The following CUL1 variants were observed in gnomAD, a reference collection of about 807,000 sequenced individuals.
CUL1 encodes the protein cullin-1.
In CUL1, 24 loss-of-function variants were observed where a neutral mutation model predicts 118.0. The observed-to-expected ratio is 0.20, with a 90% confidence interval of 0.15 to 0.29. The LOEUF (loss-of-function observed/expected upper bound fraction) is 0.29. Ranked by LOEUF, CUL1 falls within the 10% of genes least tolerant of loss-of-function variation. The probability of loss-of-function intolerance (pLI) is 1.00; values close to 1 mark genes in which losing one functional copy is unlikely to be tolerated. For missense variants in CUL1, 361 were observed against 933.8 expected (o/e 0.39, Z 7.99); for synonymous variants, 332 against 340.4 (o/e 0.98, Z 0.27).
chr7:148,761,049 C>G (rs73158226), intron 7 of CUL1, among the ~76,000 whole-genome samples: 1 of 152,076 alleles, frequency 6.6e-6, no homozygotes, highest in Non-Finnish European at 1.5e-5. Context: ...GATAGGGTCT[C>G]GCTATTTTTG....
chr7:148,770,210 C>CT (rs1800162500), intron 9 of CUL1, among the ~76,000 whole-genome samples: 1 of 152,218 alleles, frequency 6.6e-6, no homozygotes, highest in African/African-American at 2.4e-5. Flanking sequence ...AATAAACTGC[C>CT]TTTAACAGCA....
rs10595637 is a variant in CUL1, at chr7:148,768,378, C to CTTTTTTTTTTTTT, written c.1083+641_1083+653dup. ...GGGAGAACAATAGAGAAGAAAAGCTCTTTTTTTTTTTTTTTTTTTTTTTTG... is the reference window on the plus strand; with the variant it reads ...GGGAGAACAATAGAGAAGAAAAGCTCTTTTTTTTTTTTTTTTTTTTTTTTTTTTTTTTTTTTTG... On this transcript the variant is annotated intron_variant, in intron 9 of 21. Transcript: ENST00000325222. 2.3e-4 allele frequency among the ~76,000 whole-genome samples: 22 copies of CTTTTTTTTTTTTT among 94,882 alleles called. 1 individual carries two copies. Among genetic ancestry groups the CTTTTTTTTTTTTT allele is most frequent in the African/African-American group, 8.6e-4 (21 of 24,454 alleles). 62.2% of individuals were successfully genotyped at this position (94,882 alleles called of 152,430 possible).
intron 9 of CUL1, among the ~76,000 whole-genome samples, chr7:148,771,620 C>T (rs1464128082): frequency 6.6e-6 from 1 of 152,156 alleles, no homozygotes; most frequent in African/African-American, 2.4e-5. Flanking sequence ...GGCATTTGTG[C>T]TCAACTGATA....
chr7:148,746,116 G>A (rs1421943515), intron 2 of CUL1, among the ~76,000 whole-genome samples: 1 of 151,898 alleles, frequency 6.6e-6, no homozygotes. Flanking sequence ...TCTCTGAGGG[G>A]TGGGCTTGGG....
intron 1 of CUL1, among the ~76,000 whole-genome samples, chr7:148,700,807 G>C (rs1797696832): frequency 2.0e-5 from 3 of 152,104 alleles, no homozygotes. Flanking sequence ...ACCAAATTTA[G>C]ATATGCTAGG....
At chr7:148,768,976 C>T (rs191648333) in intron 9 of CUL1, among the ~76,000 whole-genome samples, 286 of 152,010 alleles carry the variant, frequency 1.9e-3, no homozygotes, top group African/African-American at 6.6e-3. Context: ...CTGGCTCAGC[C>T]GTGGATTTTA....
chr7:148,727,100 T>G (rs1235056090), intron 1 of CUL1, among the ~76,000 whole-genome samples: 1 of 152,232 alleles, frequency 6.6e-6, no homozygotes, highest in East Asian at 1.9e-4. Flanking sequence ...GAGTAAATAA[T>G]GCCTAGGACA....
intron 17 of CUL1, among the ~76,000 whole-genome samples, chr7:148,794,706 T>A (rs1342610502): frequency 2.6e-5 from 4 of 152,204 alleles, no homozygotes; most frequent in Admixed American, 6.5e-5. Flanking sequence ...GAACATGGGA[T>A]GTCTTTTCAT....
intron 9 of CUL1, among the ~76,000 whole-genome samples, chr7:148,777,174 G>C (rs3823637): frequency 6.6e-6 from 1 of 152,052 alleles, no homozygotes; most frequent in Non-Finnish European, 1.5e-5. Context: ...AACCAAGGCC[G>C]GAATCAAAAT....
At chr7:148,752,255 G>A (rs1421400759) in intron 2 of CUL1, among the ~76,000 whole-genome samples, 3 of 152,106 alleles carry the variant, frequency 2.0e-5, no homozygotes, top group Non-Finnish European at 4.4e-5. Context: ...GAAAGAGGGA[G>A]AATATAGTGC....
chr7:148,729,679 T>C lies in CUL1; in HGVS notation c.-161-283T>C, dbSNP rs117886800. Among the ~76,000 whole-genome samples, 186 of 152,354 alleles carry C rather than the reference T, an allele frequency of 1.2e-3. 1 individual carries two copies. The highest frequency in any genetic ancestry group is 2.0e-3 in the Non-Finnish European group (136 of 68,032). ...TAATTGTCATCTAGGTCAAGTGATA[T>C]ATATTTTTGATAACTTCCGAAGGCA... On this transcript the variant is annotated intron_variant, in intron 1 of 21. Coordinates refer to ENST00000325222, the MANE Select transcript of CUL1 (RefSeq NM_003592.3).
intron 1 of CUL1, among the ~76,000 whole-genome samples, chr7:148,728,529 T>C (rs1798658158): frequency 6.6e-6 from 1 of 152,130 alleles, no homozygotes; most frequent in Non-Finnish European, 1.5e-5. Flanking sequence ...AAGTAGATGA[T>C]GAAAGGAAAG....
chr7:148,757,899 T>C (rs1239507904), intron 4 of CUL1, among the ~76,000 whole-genome samples: 1 of 152,144 alleles, frequency 6.6e-6, no homozygotes, highest in Non-Finnish European at 1.5e-5. Context: ...ATGAGAACAG[T>C]ATGGGGGAAC....
At chr7:148,764,358 A>G (rs1390553357) in intron 7 of CUL1, among the ~76,000 whole-genome samples, 2 of 152,166 alleles carry the variant, frequency 1.3e-5, no homozygotes, top group Non-Finnish European at 2.9e-5. Context: ...ACCTGATGAC[A>G]ATACCTACGA....
intron 1 of CUL1, among the ~76,000 whole-genome samples, chr7:148,720,659 A>T (rs1303211963): frequency 6.6e-6 from 1 of 152,186 alleles, no homozygotes; most frequent in African/African-American, 2.4e-5. Flanking sequence ...GAGGCTTCTG[A>T]CAACTAAGTC....
At chr7:148,748,952 T>C (rs1432160757) in intron 2 of CUL1, among the ~76,000 whole-genome samples, 1 of 152,130 alleles carries the variant, frequency 6.6e-6, no homozygotes, top group Non-Finnish European at 1.5e-5. Context: ...ACACATCAGA[T>C]TGATGTGATG....
Position 148,729,994 on chromosome 7 carries a change from T to C in CUL1, c.-129T>C. On this transcript the variant is annotated 5_prime_UTR_variant, in exon 2 of 22. Transcript: ENST00000325222. ...TGCAATGAGATTTCATTCTCTACATTTAAAGGACATCCTTTCTGAGCTGCT... is the reference window on the plus strand; with the variant it reads ...TGCAATGAGATTTCATTCTCTACATCTAAAGGACATCCTTTCTGAGCTGCT... The C allele has an allele frequency of 9.4e-7, 1 of 1,059,426 alleles. No homozygotes were observed. Among genetic ancestry groups the C allele is most frequent in the South Asian group, 1.8e-5 (1 of 56,834 alleles). The allele number at this position is 1,059,426 out of a possible 1,614,324, so 65.6% of individuals were successfully genotyped here. A position where few individuals can be genotyped will look rare whatever the true frequency, so the allele number is the denominator to read the frequency against.
intron 9 of CUL1, among the ~76,000 whole-genome samples, chr7:148,772,049 A>T (rs1250344886): frequency 6.6e-6 from 1 of 152,114 alleles, no homozygotes; most frequent in Non-Finnish European, 1.5e-5. Flanking sequence ...GATTTTTTTG[A>T]CTTTAAAATG....
intron 11 of CUL1, among the ~76,000 whole-genome samples, chr7:148,785,855 CCCA>C (rs1800800248): frequency 6.6e-6 from 1 of 152,070 alleles, no homozygotes; most frequent in African/African-American, 2.4e-5. Flanking sequence ...ACACCCCTGA[CCCA>C]AGAGTGCCAA....
Sources: allele counts gnomAD v4.1 joint callset (sites outside exome capture counted in the v4.1 genomes callset), GRCh38; gene constraint gnomAD v4.1.1; transcripts MANE v1.5; gene names NCBI Gene and HGNC (gene_info 2026-07-23, HGNC 2026-07-21).